UBR2: variants seen among roughly 807,000 people sequenced by gnomAD.
The protein encoded by UBR2 is E3 ubiquitin-protein ligase UBR2.
In UBR2, 92 loss-of-function variants were observed where a neutral mutation model predicts 247.9. The observed-to-expected ratio is 0.37, with a 90% CI of 0.31 to 0.44. The LOEUF (loss-of-function observed/expected upper bound fraction) is 0.44, where lower values mean the gene tolerates loss of function less well. Among genes scored for constraint, UBR2 ranks in the 20% least tolerant of loss-of-function variants. The pLI is 1.00. For missense variants in UBR2, 1,613 were observed against 2,112.6 expected (o/e 0.76, Z 4.64); for synonymous variants, 672 against 693.5 (o/e 0.97, Z 0.49).
At chr6:42,663,510 C>G in intron 32 of UBR2, 91 bp downstream of exon 32, 2 of 1,312,888 alleles carry the variant, frequency 1.5e-6, no homozygotes, top group Non-Finnish European at 2.1e-6. Flanking sequence ...TTAGTCTAGG[C>G]AATTGCATAG....
intron 15 of UBR2, among the ~76,000 whole-genome samples, chr6:42,639,754 ATGTATATAAATTGTTTTGATAGC>A (rs1796310646): frequency 6.6e-6 from 1 of 152,226 alleles, no homozygotes; most frequent in Non-Finnish European, 1.5e-5. Context: ...CTGGCATAAC[ATGTATATAAATTGTTTTGATAGC>A]TTTTAAAATG....
intron 11 of UBR2, among the ~76,000 whole-genome samples, chr6:42,627,946 G>T (rs1356173567): frequency 6.6e-6 from 1 of 152,178 alleles, no homozygotes; most frequent in East Asian, 1.9e-4. Context: ...AGTCAATTAG[G>T]TCAGATCTCT....
intron 21 of UBR2, among the ~76,000 whole-genome samples, chr6:42,645,932 C>T (rs2096326780): frequency 6.6e-6 from 1 of 152,086 alleles, no homozygotes; most frequent in Admixed American, 6.6e-5. Flanking sequence ...TGCTTTGTAA[C>T]CTAGTATATT....
At chr6:42,606,560 T>TTA (rs1328955399) in intron 6 of UBR2, 29 bp from the exon 7 acceptor site, 1 of 1,595,960 alleles carries the variant, frequency 6.3e-7, no homozygotes, top group Non-Finnish European at 8.6e-7. Context: ...TACAATACTT[T>TTA]TACAGCTTAA....
chr6:42,624,452 T>G (rs1795207418), intron 11 of UBR2, among the ~76,000 whole-genome samples: 1 of 152,026 alleles, frequency 6.6e-6, no homozygotes, highest in Non-Finnish European at 1.5e-5. Flanking sequence ...TTACTCCTTA[T>G]TGCTTTTGTA....
At chr6:42,606,011 A>G (rs1793674345) in intron 6 of UBR2, 152 bp downstream of exon 6, 1 of 678,454 alleles carries the variant, frequency 1.5e-6, no homozygotes, top group Non-Finnish European at 2.3e-6. Context: ...TTGGGAGGCC[A>G]AGGCAGGCAG....
chr6:42,644,569 T>C (rs748598452), intron 20 of UBR2, 33 bp downstream of exon 20: 31 of 1,572,864 alleles, frequency 2.0e-5, no homozygotes, highest in Non-Finnish European at 2.7e-5. Flanking sequence ...ATTTAATAAA[T>C]TACACTGACG....
chr6:42,674,082 T>C (rs768444577), intron 37 of UBR2, 44 bp from the exon 38 acceptor site: 11 of 1,572,202 alleles, frequency 7.0e-6, no homozygotes, highest in Non-Finnish European at 9.6e-6. Context: ...TTTTAACATG[T>C]TGGCATATGA....
At position 42,583,308 on chromosome 6, in the gene UBR2, C is replaced by T. The variant is rs932772344; in HGVS notation, c.339-8843C>T. On this transcript the variant is annotated intron_variant, in intron 2 of 46. Coordinates refer to ENST00000372901, the MANE Select transcript of UBR2 (RefSeq NM_001363705.2). Reference sequence around the variant, plus strand: ...TGTTGCCCAGGCTGGAGTGCAATAGCGCAGTCTCGGCTCACTGCAACCTCT... The same window carrying T: ...TGTTGCCCAGGCTGGAGTGCAATAGTGCAGTCTCGGCTCACTGCAACCTCT... 2.6e-5 allele frequency among the ~76,000 whole-genome samples: 4 copies of T among 152,196 alleles called. No individual in the cohort carries two copies. The East Asian group carries it at 7.7e-4, about 29-fold the overall frequency.
intron 1 of UBR2, among the ~76,000 whole-genome samples, chr6:42,565,534 TTTGC>T (rs965948274): frequency 6.6e-6 from 1 of 152,130 alleles, no homozygotes; most frequent in African/African-American, 2.4e-5. Flanking sequence ...ATGCTGAATC[TTTGC>T]TTGTTTGGGT....
rs115677767 is a variant in UBR2, at chr6:42,588,708, C to T, written c.339-3443C>T. Among the ~76,000 whole-genome samples the T allele has an allele frequency of 6.9e-3, 1,052 of 152,238 alleles. 17 individuals carry two copies. The highest frequency in any genetic ancestry group is 0.024 in the African/African-American group (990 of 41,544). On this transcript the variant is annotated intron_variant, in intron 2 of 46. Coordinates refer to ENST00000372901, the MANE Select transcript of UBR2 (RefSeq NM_001363705.2). ...AACAAAAAGTTTTTATAATAAAGAG[C>T]TTAATCTCCAACCCCACCCCTCCCC... is the stretch of plus-strand genomic sequence containing the variant.
intron 11 of UBR2, among the ~76,000 whole-genome samples, chr6:42,624,670 T>C (rs1795220903): frequency 6.6e-6 from 1 of 152,072 alleles, no homozygotes. Flanking sequence ...GAGTAGGTGA[T>C]GCTGATTGGT....
intron 14 of UBR2, among the ~76,000 whole-genome samples, chr6:42,636,607 A>G (rs927955546): frequency 6.6e-6 from 1 of 152,146 alleles, no homozygotes; most frequent in Non-Finnish European, 1.5e-5. Context: ...CATGTTTTTT[A>G]AAATTGCTCT....
At chr6:42,632,747 C>G in intron 12 of UBR2, 32 bp downstream of exon 12, 7 of 1,591,348 alleles carry the variant, frequency 4.4e-6, no homozygotes, top group Non-Finnish European at 6.0e-6. Flanking sequence ...AAACCAGTTG[C>G]AATTTATAGA....
rs1295457010 is a variant in UBR2 at position 42,587,508 on chromosome 6, C to T, written c.339-4643C>T. The stretch of plus-strand genomic sequence containing the variant: ...AAGTAGCTGAGACTACAGGTGCATG[C>T]TGCCATGTCTGGCTAATTTTTAAAT... On this transcript the variant is annotated intron_variant, in intron 2 of 46. Transcript: ENST00000372901. Among the ~76,000 whole-genome samples, 10 of 152,220 alleles carry T rather than the reference C, an allele frequency of 6.6e-5. No homozygotes were observed. In the East Asian group the frequency reaches 1.9e-3, roughly 29 times the overall value.
chr6:42,655,452 CAAAA>C (rs200885359), intron 25 of UBR2, among the ~76,000 whole-genome samples, 165 bp from the exon 26 acceptor site: 2 of 84,872 alleles, frequency 2.4e-5, no homozygotes, highest in Non-Finnish European at 2.4e-5. Flanking sequence ...AACTCCATCT[CAAAA>C]AAAAAAAAAA....
At position 42,658,639 on chromosome 6, in the gene UBR2, A is replaced by C; in HGVS notation, c.3064-7A>C. On this transcript the variant is annotated splice_region_variant and splice_polypyrimidine_tract_variant and intron_variant, in intron 28 of 46. Coordinates refer to ENST00000372901, the MANE Select transcript of UBR2 (RefSeq NM_001363705.2). ...TAATTGTCTAATTGAATGGAGCATA[A>C]TTTCAGAGTTCAAGGGACAAAGACA... The C allele has an allele frequency of 6.3e-6, 10 of 1,591,164 alleles. No homozygotes were observed. The highest frequency in any genetic ancestry group is 8.5e-6 in the Non-Finnish European group (10 of 1,173,384).
chr6:42,630,838 G>T (rs1480741826), intron 11 of UBR2, among the ~76,000 whole-genome samples: 2 of 151,882 alleles, frequency 1.3e-5, no homozygotes, highest in Non-Finnish European at 2.9e-5. Context: ...TTAAGACAGG[G>T]TCTCACTCTG....
chr6:42,686,483 A>T (rs1426624115), intron 44 of UBR2, among the ~76,000 whole-genome samples: 3 of 151,904 alleles, frequency 2.0e-5, no homozygotes, highest in African/African-American at 7.3e-5. Context: ...ACTTCTTTCT[A>T]CACAGACACA....
Sources: gnomAD v4.1 joint callset for allele counts (sites outside exome capture counted in the v4.1 genomes callset) on GRCh38, gnomAD v4.1.1 for gene constraint, MANE v1.5 for transcripts, NCBI Gene and HGNC (gene_info 2026-07-23, HGNC 2026-07-21) for gene names.